The following NFIC variants were observed in gnomAD, a reference collection of about 807,000 sequenced individuals.
The protein encoded by NFIC is nuclear factor I C.
A neutral mutation model predicts 54.4 loss-of-function variants in NFIC; 12 were observed. The observed-to-expected ratio is 0.22, with a 90% CI of 0.14 to 0.36. The LOEUF (loss-of-function observed/expected upper bound fraction) is 0.36, where lower values mean the gene tolerates loss of function less well. Among genes scored for constraint, NFIC ranks in the 10% least tolerant of loss-of-function variants. The pLI is 1.00. For missense variants in NFIC, 575 were observed against 718.2 expected (o/e 0.80, Z 2.28); for synonymous variants, 322 against 319.2 (o/e 1.01, Z -0.09).
At chr19:3,425,905 C>T (rs965507398) in intron 3 of NFIC, among the ~76,000 whole-genome samples, 1 of 139,756 alleles carries the variant, frequency 7.2e-6, no homozygotes, top group African/African-American at 2.7e-5. Context: ...CAGGTGTGCA[C>T]CACCATGCCT....
chr19:3,380,306 G>GTTA (rs1271994457), intron 1 of NFIC, among the ~76,000 whole-genome samples: 1 of 88,972 alleles, frequency 1.1e-5, no homozygotes. Flanking sequence ...GCCCAGCCTT[G>GTTA]TTCTTTTTTT....
chr19:3,434,949 G>A (rs369815116), intron 5 of NFIC, 134 bp from the exon 6 acceptor site: 2 of 1,246,336 alleles, frequency 1.6e-6, no homozygotes, highest in Non-Finnish European at 2.2e-6. Context: ...AACGCCCGCG[G>A]CTCCCGCGAT....
chr19:3,441,577 C>T (rs112339113), intron 6 of NFIC, among the ~76,000 whole-genome samples: 4 of 152,390 alleles, frequency 2.6e-5, no homozygotes, highest in African/African-American at 9.6e-5. Context: ...ACAGGCCTGG[C>T]CCCTGGGCTG....
intron 1 of NFIC, among the ~76,000 whole-genome samples, chr19:3,372,712 TG>T (rs60871309): frequency 1.6e-5 from 2 of 126,260 alleles, no homozygotes; most frequent in South Asian, 2.6e-4. Context: ...AGGAGTGGGG[TG>T]GGGGGGTGCC....
In NFIC at chr19:3,369,725, C is replaced by T. The variant is rs547892866; in HGVS notation, c.30+3059C>T. Among the ~76,000 whole-genome samples, 10 of 152,342 alleles carry T rather than the reference C, an allele frequency of 6.6e-5. No homozygotes were observed. The East Asian group carries it at 1.2e-3, about 18-fold the overall frequency. The stretch of plus-strand genomic sequence containing the variant: ...CTGCCGGCGGGAAGGCCGGCCTCCC[C>T]GCGCCTGCTCTGGGCCTCCCTCCCT... On this transcript the variant is annotated intron_variant, in intron 1 of 10. Transcript: ENST00000443272. The surrounding 1 kb of genome is among the most constrained non-coding windows in gnomAD (Gnocchi z 4.3).
chr19:3,410,943 T>C (rs2081747635), intron 2 of NFIC: 1 of 152,222 alleles, frequency 6.6e-6, no homozygotes, highest in Non-Finnish European at 1.5e-5. Flanking sequence ...GCAGCCCTTG[T>C]TTCCATAAGA....
In NFIC at chr19:3,375,817, A is replaced by G. The variant is rs1433678409; in HGVS notation, c.31-5895A>G. On this transcript the variant is annotated intron_variant, in intron 1 of 10. Coordinates refer to ENST00000443272, the MANE Select transcript of NFIC (RefSeq NM_001245002.2). This position sits in a 1 kb window ranked among gnomAD's most constrained non-coding sequence, Gnocchi z 4.6. ...CACAGAGCAGGGAGGGTGATCTGGC[A>G]GCAGCTGCTCTGCCCATCCCGGCCT... is the stretch of plus-strand genomic sequence containing the variant. Among the ~76,000 whole-genome samples, 1 of 152,196 alleles carries G rather than the reference A, an allele frequency of 6.6e-6. No individual in the cohort carries two copies. Among genetic ancestry groups the G allele is most frequent in the Non-Finnish European group, 1.5e-5 (1 of 68,020 alleles).
chr19:3,377,394 C>T (rs1310996791), intron 1 of NFIC, among the ~76,000 whole-genome samples: 2 of 147,970 alleles, frequency 1.4e-5, no homozygotes, highest in East Asian at 2.0e-4. Context: ...TAACAATCAT[C>T]GCATCATTAA....
At chr19:3,438,528 C>G (rs973749862) in intron 6 of NFIC, among the ~76,000 whole-genome samples, 1 of 151,394 alleles carries the variant, frequency 6.6e-6, no homozygotes, top group African/African-American at 2.4e-5. Flanking sequence ...AGCTCCGCTT[C>G]CCGGGTTCAC....
intron 6 of NFIC, among the ~76,000 whole-genome samples, chr19:3,436,176 G>T (rs368953312): frequency 3.5e-5 from 5 of 143,290 alleles, no homozygotes; most frequent in African/African-American, 5.4e-5. Context: ...ACGGAGTCTC[G>T]GTCTGCTGCC....
upstream of NFIC, among the ~76,000 whole-genome samples, chr19:3,363,459 A>G (rs532266485): frequency 2.7e-4 from 40 of 150,934 alleles, no homozygotes; most frequent in African/African-American, 9.7e-4. Context: ...TTTAGTAGAG[A>G]CGGGGTTTCG....
intron 7 of NFIC, 140 bp downstream of exon 7, chr19:3,449,279 C>A: frequency 7.4e-7 from 1 of 1,342,634 alleles, no homozygotes; most frequent in Non-Finnish European, 9.8e-7. Context: ...CATAGAGGTG[C>A]CGTAGTGGAG....
At chr19:3,435,012 A>G (rs567568780) in intron 5 of NFIC, 71 bp from the exon 6 acceptor site, 76 of 1,478,722 alleles carry the variant, frequency 5.1e-5, no homozygotes, top group Non-Finnish European at 6.6e-5. Flanking sequence ...CGGAAGTAGC[A>G]AAGCCCGCCG....
chr19:3,372,097 T>G (rs2081031277), intron 1 of NFIC, among the ~76,000 whole-genome samples: 1 of 145,204 alleles, frequency 6.9e-6, no homozygotes. Flanking sequence ...CTCAGCTCAC[T>G]GCAACCTCCG....
At chr19:3,384,664 C>T (rs2081265025) in intron 2 of NFIC, among the ~76,000 whole-genome samples, 1 of 152,314 alleles carries the variant, frequency 6.6e-6, no homozygotes, top group African/African-American at 2.4e-5. Context: ...GCGGGGATTA[C>T]AGGCGTGAGC....
chr19:3,363,898 A>G (rs532595883), upstream of NFIC, among the ~76,000 whole-genome samples: 46 of 152,306 alleles, frequency 3.0e-4, 1 homozygote, highest in African/African-American at 1.1e-3. Flanking sequence ...CCACAGTGCC[A>G]AGGGGGAGAG....
At chr19:3,415,663 T>G (rs887301047) in intron 2 of NFIC, among the ~76,000 whole-genome samples, 3 of 152,010 alleles carry the variant, frequency 2.0e-5, no homozygotes, top group Non-Finnish European at 4.4e-5. Flanking sequence ...TATTTAAGCC[T>G]CCTCATTACA....
chr19:3,443,977 C>T (rs970230346), intron 6 of NFIC, among the ~76,000 whole-genome samples: 3 of 152,240 alleles, frequency 2.0e-5, no homozygotes, highest in Non-Finnish European at 2.9e-5. Flanking sequence ...CTCCTGACCC[C>T]GGACCCTAGA....
At chr19:3,411,508 A>C (rs1407297325) in intron 2 of NFIC, among the ~76,000 whole-genome samples, 1 of 151,616 alleles carries the variant, frequency 6.6e-6, no homozygotes, top group Non-Finnish European at 1.5e-5. Flanking sequence ...TTGTATTTTT[A>C]GTAGAGACCA....
Sources: gnomAD v4.1 joint callset for allele counts (sites outside exome capture counted in the v4.1 genomes callset) on GRCh38, gnomAD v4.1.1 for gene constraint, Gnocchi (gnomAD v3.1) non-coding constraint, MANE v1.5 for transcripts, NCBI Gene and HGNC (gene_info 2026-07-23, HGNC 2026-07-21) for gene names.